KIAA1614: variants seen among roughly 807,000 people sequenced by gnomAD.
The protein encoded by KIAA1614 is uncharacterized protein KIAA1614.
Under a neutral mutation model 88.7 loss-of-function variants are expected in KIAA1614, and 76 were observed. The observed-to-expected ratio is 0.86, with a 90% CI of 0.71 to 1.04. The LOEUF (loss-of-function observed/expected upper bound fraction) is 1.04, where lower values mean the gene tolerates loss of function less well. Ranked by LOEUF, KIAA1614 falls within the 50% of genes least tolerant of loss-of-function variation. KIAA1614 has a pLI of 0.00. For missense variants in KIAA1614, 1,553 were observed against 1,582.5 expected, an observed-to-expected ratio of 0.98 and a Z score of 0.32; for synonymous variants, 714 against 675.5, an observed-to-expected ratio of 1.06 and a Z score of -0.88.
At chr1:180,921,138 A>G (rs1653944689) in intron 3 of KIAA1614, among the ~76,000 whole-genome samples, 1 of 143,284 alleles carries the variant, frequency 7.0e-6, no homozygotes, top group African/African-American at 2.6e-5. Context: ...GAAGGGAGAT[A>G]GGGGTGGGGC....
chr1:180,925,414 G>A (rs1306020223), intron 3 of KIAA1614, among the ~76,000 whole-genome samples: 5 of 152,202 alleles, frequency 3.3e-5, no homozygotes, highest in African/African-American at 1.2e-4. Context: ...TCCCTCTACT[G>A]GGTGCATCCT....
At position 180,944,369 on chromosome 1, in the gene KIAA1614, T is replaced by C; in HGVS notation, c.3160-20T>C. The C allele has an allele frequency of 6.2e-7, 1 of 1,610,518 alleles. No individual in the cohort carries two copies. Among genetic ancestry groups the C allele is most frequent in the Non-Finnish European group, 8.5e-7 (1 of 1,177,704 alleles). On this transcript the variant is annotated intron_variant, in intron 7 of 8. Coordinates refer to ENST00000367588, the MANE Select transcript of KIAA1614 (RefSeq NM_020950.2). ...CCCAGGTAGCTTTTCTCACCCGCAA[T>C]ATTGTCCCTTTCTCATCAGGTGTCA...
intron 6 of KIAA1614, among the ~76,000 whole-genome samples, chr1:180,940,357 C>T (rs150530811): frequency 0.022 from 3,407 of 152,130 alleles, 131 homozygotes; most frequent in African/African-American, 0.077. Flanking sequence ...AAAAAGTAGC[C>T]GGGCGTGGTG....
chr1:180,936,730 C>T, intron 5 of KIAA1614, 60 bp downstream of exon 5: 1 of 1,172,242 alleles, frequency 8.5e-7, no homozygotes, highest in Non-Finnish European at 1.2e-6. Flanking sequence ...ACAGCAGACG[C>T]CCAGACCCAA....
chr1:180,914,796 T>C (rs1653741442), intron 1 of KIAA1614, among the ~76,000 whole-genome samples: 1 of 152,142 alleles, frequency 6.6e-6, no homozygotes, highest in Non-Finnish European at 1.5e-5. Context: ...TGGAGTGCAG[T>C]GGTGCAATCT....
At chr1:180,929,852 G>A (rs76620744) in intron 4 of KIAA1614, among the ~76,000 whole-genome samples, 2,691 of 152,246 alleles carry the variant, frequency 0.018, 36 homozygotes, top group Non-Finnish European at 0.027. Flanking sequence ...GAATCACCAC[G>A]TGGCAGTGGA....
intron 6 of KIAA1614, among the ~76,000 whole-genome samples, 183 bp downstream of exon 6, chr1:180,938,894 T>A (rs1181378794): frequency 6.6e-6 from 1 of 152,192 alleles, no homozygotes; most frequent in Non-Finnish European, 1.5e-5. Context: ...TTTAGTCTGA[T>A]GTACCTGATC....
intron 5 of KIAA1614, 91 bp downstream of exon 5, chr1:180,936,761 A>ACC: frequency 2.5e-6 from 2 of 816,036 alleles, no homozygotes; most frequent in Non-Finnish European, 1.8e-6. Context: ...ACAGGCCTTC[A>ACC]GAGTCATTCC....
At chr1:180,934,004 C>T (rs1440504994) in intron 4 of KIAA1614, among the ~76,000 whole-genome samples, 1 of 152,234 alleles carries the variant, frequency 6.6e-6, no homozygotes, top group African/African-American at 2.4e-5. Context: ...CCTGTAATCC[C>T]AGCACTTTGG....
At position 180,941,266 on chromosome 1, in the gene KIAA1614, C is replaced by A; in HGVS notation, c.3140C>A (p.Ser1047Ter). 1.9e-6 allele frequency: 3 copies of A among 1,610,178 alleles called. No individual in the cohort carries two copies. The highest frequency in any genetic ancestry group is 2.5e-6 in the Non-Finnish European group (3 of 1,177,298). ...CTGACGTCACAGTCCAGGGCCCCAT[C>A]GTTACAATCCCTGCACCCGGTGAGT... is the stretch of plus-strand genomic sequence containing the variant. ...PGLTSQSRAP[S>*]LQSLHPVSPS... The change falls in exon 7 of 9, where the codon TCG becomes TAG. Residue 1047 changes from serine (S) to a stop codon, truncating the protein, a stop_gained. Coordinates refer to ENST00000367588, the MANE Select transcript of KIAA1614 (RefSeq NM_020950.2). LOFTEE classifies it high-confidence loss of function.
At chr1:180,917,827 C>T (rs770024167) in intron 2 of KIAA1614, 24 bp from the exon 3 acceptor site, 1 of 1,610,058 alleles carries the variant, frequency 6.2e-7, no homozygotes, top group Non-Finnish European at 8.5e-7. Flanking sequence ...CTGTCCTGAT[C>T]TCTGCTTCTG....
chr1:180,935,549 G>A lies in KIAA1614; in HGVS notation c.1640G>A (p.Arg547His), dbSNP rs763599108. 6.3e-6 allele frequency: 10 copies of A among 1,590,206 alleles called. No individual in the cohort carries two copies. The African/African-American group carries it at 8.1e-5, about 13-fold the overall frequency. ...TGCGGCAGCTGCATCGACGACCCGC[G>A]CCCCGCCCAGGGGAAGGCGCCCCCC... ...QACGSCIDDP[R>H]PAQGKAPPVP... Residue 547 changes from arginine to histidine, a missense_variant, in exon 5 of 9, where the codon CGC becomes CAC. Physicochemically the swap from Arg to His is conservative, Grantham distance 29. Transcript: ENST00000367588. This position sits in a 1 kb window ranked among gnomAD's most constrained non-coding sequence, Gnocchi z 6.1.
intron 1 of KIAA1614, 34 bp from the exon 2 acceptor site, chr1:180,916,120 G>A (rs767974924): frequency 6.7e-6 from 10 of 1,501,676 alleles, no homozygotes; most frequent in Non-Finnish European, 8.9e-6. Context: ...GTCCTGTGCT[G>A]GGTCTTAGGA....
At chr1:180,927,241 G>A (rs1426285357) in intron 3 of KIAA1614, among the ~76,000 whole-genome samples, 1 of 152,184 alleles carries the variant, frequency 6.6e-6, no homozygotes, top group Non-Finnish European at 1.5e-5. Context: ...CTGGAGCCCT[G>A]TGGACCCTCA....
rs769776825 is a variant in KIAA1614 at position 180,935,262 on chromosome 1, C to A, written c.1353C>A (p.Arg451=). The change falls in exon 5 of 9, where the codon CGC becomes CGA. Residue 451 remains arginine, a synonymous_variant. Coordinates refer to ENST00000367588, the MANE Select transcript of KIAA1614 (RefSeq NM_020950.2). The surrounding 1 kb of genome is among the most constrained non-coding windows in gnomAD (Gnocchi z 6.1). Reference sequence around the variant, plus strand: ...GGGGCCCCTCGCCGTCGCACGTGCGCTTTGAGGATGAGTCCGCCCGCGAAG... The same window carrying A: ...GGGGCCCCTCGCCGTCGCACGTGCGATTTGAGGATGAGTCCGCCCGCGAAG... ...PRRGPSPSHV[R]FEDESAREAE... is the part of the protein sequence containing the mutation. 7.2e-6 allele frequency: 11 copies of A among 1,524,034 alleles called. No individual in the cohort carries two copies. The highest frequency in any genetic ancestry group is 9.7e-6 in the Non-Finnish European group (11 of 1,139,474). The allele number at this position is 1,524,034 out of a possible 1,614,324, so 94.4% of individuals were successfully genotyped here.
intron 2 of KIAA1614, among the ~76,000 whole-genome samples, chr1:180,917,408 G>A (rs1406423361): frequency 6.6e-6 from 1 of 152,018 alleles, no homozygotes; most frequent in African/African-American, 2.4e-5. Flanking sequence ...TTTCCGGAGT[G>A]GCTTTTTGCC....
At chr1:180,919,314 C>T (rs1402242149) in intron 3 of KIAA1614, among the ~76,000 whole-genome samples, 2 of 152,180 alleles carry the variant, frequency 1.3e-5, no homozygotes, top group East Asian at 1.9e-4. Flanking sequence ...GTTGCCTCCC[C>T]TTCTGCCAGG....
At chr1:180,928,244 A>AGGCCCAG in intron 3 of KIAA1614, 186 bp from the exon 4 acceptor site, 1 of 677,010 alleles carries the variant, frequency 1.5e-6, no homozygotes, top group Non-Finnish European at 2.3e-6. Context: ...GCCATTTCCC[A>AGGCCCAG]GCCCCAGGCC....
chr1:180,925,879 C>A (rs1654057011), intron 3 of KIAA1614, among the ~76,000 whole-genome samples: 1 of 152,200 alleles, frequency 6.6e-6, no homozygotes, highest in African/African-American at 2.4e-5. Context: ...AAGGGGGGAC[C>A]TCGAAATCCC....
Sources: allele counts gnomAD v4.1 joint callset (sites outside exome capture counted in the v4.1 genomes callset), GRCh38; gene constraint gnomAD v4.1.1; non-coding constraint Gnocchi (gnomAD v3.1); transcripts MANE v1.5; gene names NCBI Gene and HGNC (gene_info 2026-07-23, HGNC 2026-07-21).